The following KIRREL3 variants were observed in gnomAD, a reference collection of about 807,000 sequenced individuals.
KIRREL3 encodes kirre like nephrin family adhesion molecule 3, also known as kin of IRRE-like protein 3.
A neutral mutation model predicts 89.7 loss-of-function variants in KIRREL3; 36 were observed. The ratio of observed to expected loss-of-function variants is 0.40; its 90% CI spans 0.31 to 0.53. KIRREL3 has a LOEUF of 0.53. KIRREL3 is among the 20% of genes least tolerant of loss of function. KIRREL3 has a pLI of 0.49. For missense variants in KIRREL3, 864 were observed against 1,056.6 expected, an observed-to-expected ratio of 0.82 and a Z score of 2.53; for synonymous variants, 445 against 441.4, an observed-to-expected ratio of 1.01 and a Z score of -0.10.
At chr11:126,556,849 A>G (rs192691092) in intron 2 of KIRREL3, among the ~76,000 whole-genome samples, 1 of 152,342 alleles carries the variant, frequency 6.6e-6, no homozygotes. Context: ...AGTGCCCTGT[A>G]AATCTGACTC....
chr11:126,470,956 C>T (rs1956870233), intron 5 of KIRREL3, among the ~76,000 whole-genome samples: 1 of 152,190 alleles, frequency 6.6e-6, no homozygotes, highest in Admixed American at 6.5e-5. Context: ...ACTCTATGCA[C>T]AGTTTTGTTG....
chr11:126,504,005 G>A (rs1055349183), intron 4 of KIRREL3, among the ~76,000 whole-genome samples: 6 of 152,120 alleles, frequency 3.9e-5, no homozygotes, highest in Non-Finnish European at 7.4e-5. Context: ...CTAAGACATT[G>A]GTCTGGATTA....
intron 1 of KIRREL3, among the ~76,000 whole-genome samples, chr11:126,765,699 G>A (rs369001805): frequency 2.0e-5 from 3 of 152,068 alleles, no homozygotes; most frequent in Admixed American, 2.0e-4. Flanking sequence ...GGCAGTTTTC[G>A]GGGAAGCAAC....
In KIRREL3 at chr11:126,703,511, C is replaced by T. The variant is rs777166065; in HGVS notation, c.56-140599G>A. On this transcript the variant is annotated intron_variant, in intron 1 of 16. Coordinates refer to ENST00000525144, the MANE Select transcript of KIRREL3 (RefSeq NM_032531.4). The surrounding 1 kb of genome is among the most constrained non-coding windows in gnomAD (Gnocchi z 4.6). ...GGTAAGTACTGTTATATCTCATCCCCATTTTATAAGTGAGAACACTGAGGC... is the reference window on the plus strand; with the variant it reads ...GGTAAGTACTGTTATATCTCATCCCTATTTTATAAGTGAGAACACTGAGGC... Among the ~76,000 whole-genome samples, 6 of 152,226 alleles carry T rather than the reference C, an allele frequency of 3.9e-5. No individual in the cohort carries two copies. Among genetic ancestry groups the T allele is most frequent in the Non-Finnish European group, 7.3e-5 (5 of 68,038 alleles).
At position 126,516,919 on chromosome 11, in the gene KIRREL3, A is replaced by G. The variant is rs1461799672; in HGVS notation, c.433+4396T>C. The stretch of plus-strand genomic sequence containing the variant: ...ACCAGCCTGGGCAGCATGGCTAAAA[A>G]TACAAAAATTAGCCAGGCGTGGTGG... On this transcript the variant is annotated intron_variant, in intron 4 of 16. Transcript: ENST00000525144. This position sits in a 1 kb window ranked among gnomAD's most constrained non-coding sequence, Gnocchi z 4.9. 1.3e-5 allele frequency among the ~76,000 whole-genome samples: 2 copies of G among 152,124 alleles called. No individual in the cohort carries two copies. The highest frequency in any genetic ancestry group is 6.6e-5 in the Admixed American group (1 of 15,266).
rs1459867020 is a variant in KIRREL3, at chr11:126,811,719, G to A, written c.55+188736C>T. Among the ~76,000 whole-genome samples the A allele has an allele frequency of 2.6e-5, 4 of 152,034 alleles. No individual in the cohort carries two copies. Among genetic ancestry groups the A allele is most frequent in the Admixed American group, 6.6e-5 (1 of 15,266 alleles). On this transcript the variant is annotated intron_variant, in intron 1 of 16. Transcript: ENST00000525144. This position sits in a 1 kb window ranked among gnomAD's most constrained non-coding sequence, Gnocchi z 4.3. ...ACTCTGCTTCAGCCTCCCAAGTAGC[G>A]GGGATTACCGGCGCCTGCTACCATG...
chr11:126,863,462 C>CGT (rs72096305), intron 1 of KIRREL3, among the ~76,000 whole-genome samples: 2 of 132,426 alleles, frequency 1.5e-5, no homozygotes, highest in Non-Finnish European at 3.2e-5. Context: ...TGTTTGAGTG[C>CGT]GTGTGTGTGT....
rs75554183 is a variant in KIRREL3, at chr11:126,680,724, G to C, written c.56-117812C>G. ...GAGTCTTAAAGCAGCCAACAGAGGA[G>C]ATACTTAGAGCAAAAAAAAAAAAAA... On this transcript the variant is annotated intron_variant, in intron 1 of 16. Coordinates refer to ENST00000525144, the MANE Select transcript of KIRREL3 (RefSeq NM_032531.4). 6.1e-5 allele frequency among the ~76,000 whole-genome samples: 9 copies of C among 147,368 alleles called. No individual in the cohort carries two copies. In the East Asian group the frequency reaches 1.8e-3, roughly 29 times the overall value.
intron 1 of KIRREL3, among the ~76,000 whole-genome samples, chr11:126,616,112 A>T (rs537443054): frequency 2.0e-5 from 3 of 152,244 alleles, no homozygotes; most frequent in Non-Finnish European, 4.4e-5. Context: ...AGGAAGGAGC[A>T]GGTGCTCCAA....
chr11:126,548,795 C>T (rs565826120), intron 2 of KIRREL3, among the ~76,000 whole-genome samples: 42 of 152,290 alleles, frequency 2.8e-4, no homozygotes, highest in African/African-American at 9.4e-4. Context: ...AGGAACAGCG[C>T]AGGGGTGACT....
At chr11:126,450,458 AGT>A (rs1404716149) in intron 7 of KIRREL3, among the ~76,000 whole-genome samples, 4 of 96,692 alleles carry the variant, frequency 4.1e-5, no homozygotes, top group East Asian at 2.6e-4. Flanking sequence ...CGCATCTGTG[AGT>A]GTGTGAATGT....
chr11:126,921,391 G>GTATCTATCTATCTATC (rs35917135), intron 1 of KIRREL3, among the ~76,000 whole-genome samples: 12 of 144,026 alleles, frequency 8.3e-5, no homozygotes, highest in East Asian at 4.2e-4. Context: ...ATCCTGTCTT[G>GTATCTATCTATCTATC]TATCTATCTA....
rs1946567312 is a variant in KIRREL3, at chr11:126,683,896, A to T, written c.56-120984T>A. 6.6e-6 allele frequency among the ~76,000 whole-genome samples: 1 copy of T among 152,208 alleles called. No homozygotes were observed. On this transcript the variant is annotated intron_variant, in intron 1 of 16. Transcript: ENST00000525144. The surrounding 1 kb of genome is among the most constrained non-coding windows in gnomAD (Gnocchi z 5.2). ...CACCTACCGTCCATCTACCGGGGTC[A>T]CTGAGTCACTCCTGCCCAGGTCCCC...
At chr11:126,657,638 A>G (rs1334969877) in intron 1 of KIRREL3, among the ~76,000 whole-genome samples, 1 of 152,106 alleles carries the variant, frequency 6.6e-6, no homozygotes, top group East Asian at 1.9e-4. Flanking sequence ...GATGGAGACA[A>G]TGACACAGAG....
At chr11:126,446,305 TCTCTC>T (rs1955809772) in intron 9 of KIRREL3, among the ~76,000 whole-genome samples, 1 of 151,344 alleles carries the variant, frequency 6.6e-6, no homozygotes, top group African/African-American at 2.4e-5. Context: ...TTTCTTTCTC[TCTCTC>T]TCTTCCTTTC....
At chr11:126,911,255 A>G (rs1362002852) in intron 1 of KIRREL3, among the ~76,000 whole-genome samples, 1 of 152,220 alleles carries the variant, frequency 6.6e-6, no homozygotes, top group Non-Finnish European at 1.5e-5. Context: ...CACCATGCTG[A>G]GACTCTTCTT....
chr11:126,517,131 A>G (rs986476594), intron 4 of KIRREL3, among the ~76,000 whole-genome samples: 65 of 119,740 alleles, frequency 5.4e-4, no homozygotes, highest in African/African-American at 2.0e-3. Flanking sequence ...AGAGAGAGAG[A>G]GAGAAAGAGA....
chr11:126,954,686 A>C lies in KIRREL3; in HGVS notation c.55+45769T>G, dbSNP rs1948873050. ...GAAGCACCCTTAGAGGTCATCTAGTAGAATATCACAGGCAGTTCATTTTAA... is the reference window on the plus strand; with the variant it reads ...GAAGCACCCTTAGAGGTCATCTAGTCGAATATCACAGGCAGTTCATTTTAA... On this transcript the variant is annotated intron_variant, in intron 1 of 16. Transcript: ENST00000525144. The surrounding 1 kb of genome is among the most constrained non-coding windows in gnomAD (Gnocchi z 4.1). 6.6e-6 allele frequency among the ~76,000 whole-genome samples: 1 copy of C among 152,208 alleles called. No homozygotes were observed. The highest frequency in any genetic ancestry group is 1.5e-5 in the Non-Finnish European group (1 of 68,036).
intron 1 of KIRREL3, among the ~76,000 whole-genome samples, chr11:126,681,591 C>T (rs1413786656): frequency 7.4e-6 from 1 of 135,222 alleles, no homozygotes; most frequent in Admixed American, 7.3e-5. Flanking sequence ...TGTGTGTGCT[C>T]CTGGGAATGT....
Sources: gnomAD v4.1 joint callset for allele counts (sites outside exome capture counted in the v4.1 genomes callset) on GRCh38, gnomAD v4.1.1 for gene constraint, Gnocchi (gnomAD v3.1) non-coding constraint, MANE v1.5 for transcripts, NCBI Gene and HGNC (gene_info 2026-07-23, HGNC 2026-07-21) for gene names.